Variants in A4GALT observed in about 807,000 individuals in gnomAD.
The protein encoded by A4GALT is alpha 1,4-galactosyltransferase (P1PK blood group), also known as lactosylceramide 4-alpha-galactosyltransferase.
For missense variants in A4GALT, 512 were observed against 486.0 expected (o/e 1.05, Z -0.50); for synonymous variants, 257 against 220.7 (o/e 1.16, Z -1.46).
At chr22:42,714,096 A>G (rs1290363372) in intron 1 of A4GALT, among the ~76,000 whole-genome samples, 1 of 151,850 alleles carries the variant, frequency 6.6e-6, no homozygotes, top group East Asian at 1.9e-4. Flanking sequence ...TGCGTGGGAA[A>G]CATAGGGAGA....
intron 1 of A4GALT, among the ~76,000 whole-genome samples, chr22:42,710,884 G>T (rs1463654084): frequency 2.0e-5 from 3 of 151,862 alleles, no homozygotes; most frequent in Non-Finnish European, 4.4e-5. Flanking sequence ...AATTAGCCAG[G>T]TGTGGTGGTG....
chr22:42,699,424 C>A (rs1375606880), intron 1 of A4GALT, among the ~76,000 whole-genome samples: 1 of 152,186 alleles, frequency 6.6e-6, no homozygotes, highest in East Asian at 1.9e-4. Context: ...CTTTGCACTG[C>A]GGACTCATCC....
intron 1 of A4GALT, among the ~76,000 whole-genome samples, chr22:42,697,727 C>T (rs573732754): frequency 3.3e-5 from 5 of 152,296 alleles, no homozygotes; most frequent in South Asian, 2.1e-4. Flanking sequence ...TCCTGGCCCC[C>T]GAGACGGGCC....
rs147652604 is a variant in A4GALT, at chr22:42,699,770, A to G, written c.-187-4139T>C. On this transcript the variant is annotated intron_variant, in intron 1 of 2. Coordinates refer to ENST00000642412, the MANE Select transcript of A4GALT (RefSeq NM_017436.7). ...ATGGTTAATTTCATGTGTCAACTTG[A>G]CCAGGACACAGGGTGCCCCAATTAA... Among the ~76,000 whole-genome samples the G allele has an allele frequency of 8.2e-3, 1,244 of 152,182 alleles. 14 individuals are homozygous for G. The highest frequency in any genetic ancestry group is 0.028 in the African/African-American group (1,166 of 41,518).
chr22:42,705,598 C>CAAA (rs68144596), intron 1 of A4GALT, among the ~76,000 whole-genome samples: 4 of 72,124 alleles, frequency 5.5e-5, no homozygotes, highest in South Asian at 6.2e-4. Flanking sequence ...GATTCTGTCT[C>CAAA]AAAAAAAAAA....
At chr22:42,700,261 C>G (rs1338790362) in intron 1 of A4GALT, among the ~76,000 whole-genome samples, 1 of 152,238 alleles carries the variant, frequency 6.6e-6, no homozygotes, top group Non-Finnish European at 1.5e-5. Flanking sequence ...GGTGCTGACA[C>G]AGGTTCAGCC....
At chr22:42,702,301 C>G (rs55973665) in intron 1 of A4GALT, among the ~76,000 whole-genome samples, 28 of 151,790 alleles carry the variant, frequency 1.8e-4, no homozygotes, top group South Asian at 4.2e-4. Flanking sequence ...TGTGTCCCCC[C>G]CCGGAAAAAG....
Position 42,692,288 on chromosome 22 carries a change from A to G in A4GALT, c.*602T>C. 1 of 241,356 alleles carries G rather than the reference A, an allele frequency of 4.1e-6. No individual in the cohort carries two copies. The allele number at this position is 241,356 out of a possible 1,614,324, so 15.0% of individuals were successfully genotyped here. A position where few individuals can be genotyped will look rare whatever the true frequency, so the allele number is the denominator to read the frequency against. ...ACACGCCCCCCTGGCATCTCTGGAGAGGAAGAAGGATGGGGTGGGCAGAAG... is the reference window on the plus strand; with the variant it reads ...ACACGCCCCCCTGGCATCTCTGGAGGGGAAGAAGGATGGGGTGGGCAGAAG... On this transcript the variant is annotated 3_prime_UTR_variant, in exon 3 of 3. Transcript: ENST00000642412. The surrounding 1 kb of genome is among the most constrained non-coding windows in gnomAD (Gnocchi z 4.6).
chr22:42,715,097 G>T (rs1290264025), intron 1 of A4GALT, among the ~76,000 whole-genome samples: 1 of 151,998 alleles, frequency 6.6e-6, no homozygotes, highest in Non-Finnish European at 1.5e-5. Context: ...TGGGCCACAG[G>T]GGGCCTTGAG....
At position 42,693,408 on chromosome 22, in the gene A4GALT, G is replaced by T; in HGVS notation, c.544C>A (p.Leu182Ile). The change falls in exon 3 of 3, where the codon CTC (leucine) becomes ATC (isoleucine). Residue 182 changes from leucine (L) to isoleucine (I), a missense_variant. Leu to Ile is a conservative substitution (Grantham distance 5). Coordinates refer to ENST00000642412, the MANE Select transcript of A4GALT (RefSeq NM_017436.7). ...PVLSDASRIALMWKFGGIYLD... is the reference protein window; with the variant it reads ...PVLSDASRIAIMWKFGGIYLD... Reference sequence around the variant, plus strand: ...TAGATGCCGCCGAACTTCCACATGAGTGCGATCCTGGAGGCGTCGGAGAGC... The same window carrying T: ...TAGATGCCGCCGAACTTCCACATGATTGCGATCCTGGAGGCGTCGGAGAGC... 3.1e-6 allele frequency: 5 copies of T among 1,613,388 alleles called. No homozygotes were observed. Among genetic ancestry groups the T allele is most frequent in the African/African-American group, 1.3e-5 (1 of 75,052 alleles).
intron 1 of A4GALT, among the ~76,000 whole-genome samples, chr22:42,711,024 CA>C (rs34155225): frequency 0.38 from 53,934 of 141,550 alleles, 10,185 homozygotes; most frequent in South Asian, 0.46. Flanking sequence ...GACTCTGTCT[CA>C]AAAAAAAAAA....
At chr22:42,706,714 G>C (rs6002918) in intron 1 of A4GALT, among the ~76,000 whole-genome samples, 8 of 151,376 alleles carry the variant, frequency 5.3e-5, no homozygotes, top group African/African-American at 1.9e-4. Flanking sequence ...AGGATTACTT[G>C]AAACTGGGAG....
At chr22:42,713,747 G>A (rs1014931623) in intron 1 of A4GALT, among the ~76,000 whole-genome samples, 6 of 151,524 alleles carry the variant, frequency 4.0e-5, no homozygotes, top group Admixed American at 6.6e-5. Context: ...AGGAGGTGGC[G>A]GTTGCAGTGA....
chr22:42,701,998 T>C (rs192218117), intron 1 of A4GALT, among the ~76,000 whole-genome samples: 2 of 152,314 alleles, frequency 1.3e-5, no homozygotes, highest in Non-Finnish European at 2.9e-5. Context: ...AATCGACCAA[T>C]GAATGTCTCA....
intron 1 of A4GALT, among the ~76,000 whole-genome samples, chr22:42,696,845 A>C (rs130396): frequency 0.34 from 51,239 of 150,186 alleles, 8,932 homozygotes; most frequent in East Asian, 0.56. Context: ...TCAGGCCTCA[A>C]ACGGCTGCTA....
intron 1 of A4GALT, among the ~76,000 whole-genome samples, chr22:42,710,867 CA>C (rs890154865): frequency 1.3e-5 from 2 of 151,294 alleles, no homozygotes; most frequent in African/African-American, 4.9e-5. Context: ...ACTAAAAATA[CA>C]AAAAAAATTA....
chr22:42,718,783 C>A (rs527848868), intron 1 of A4GALT, among the ~76,000 whole-genome samples: 1 of 152,120 alleles, frequency 6.6e-6, no homozygotes, highest in African/African-American at 2.4e-5. Context: ...GGGAAGCATG[C>A]GGTGAGCCAA....
intron 1 of A4GALT, among the ~76,000 whole-genome samples, chr22:42,717,331 T>A (rs967435375): frequency 7.2e-5 from 11 of 152,320 alleles, no homozygotes; most frequent in Non-Finnish European, 1.2e-4. Context: ...GGACTCACCC[T>A]GAACTAGGCT....
In A4GALT at chr22:42,702,459, A is replaced by G. The variant is rs892697625; in HGVS notation, c.-187-6828T>C. On this transcript the variant is annotated intron_variant, in intron 1 of 2. Coordinates refer to ENST00000642412, the MANE Select transcript of A4GALT (RefSeq NM_017436.7). Reference sequence around the variant, plus strand: ...CGGGTTCAAGCGATTCTCTTGCCTCAGCCTCCCAAGTACTACAGGAGTGCG... The same window carrying G: ...CGGGTTCAAGCGATTCTCTTGCCTCGGCCTCCCAAGTACTACAGGAGTGCG... Among the ~76,000 whole-genome samples the G allele has an allele frequency of 3.3e-5, 5 of 151,292 alleles. No individual in the cohort carries two copies. In the Admixed American group the frequency reaches 3.3e-4, roughly 10 times the overall value.
Sources: allele counts gnomAD v4.1 joint callset (sites outside exome capture counted in the v4.1 genomes callset), GRCh38; gene constraint gnomAD v4.1.1; non-coding constraint Gnocchi (gnomAD v3.1); transcripts MANE v1.5; gene names NCBI Gene and HGNC (gene_info 2026-07-23, HGNC 2026-07-21).